CNTN3: variants seen among roughly 807,000 people sequenced by gnomAD.
CNTN3 encodes contactin 3, also known as contactin-3.
A neutral mutation model predicts 119.1 loss-of-function variants in CNTN3; 60 were observed. The ratio of observed to expected loss-of-function variants is 0.50; its 90% confidence interval spans 0.41 to 0.62. The LOEUF is 0.62. CNTN3 is among the 20% of genes least tolerant of loss of function. The pLI, the probability that CNTN3 is intolerant of heterozygous loss-of-function variation, is 0.00. For missense variants in CNTN3, 1,101 were observed against 1,242.4 expected (o/e 0.89, Z 1.71); for synonymous variants, 450 against 438.7 (o/e 1.03, Z -0.32).
At chr3:74,391,308 T>A (rs2106828894) in intron 5 of CNTN3, among the ~76,000 whole-genome samples, 1 of 152,246 alleles carries the variant, frequency 6.6e-6, no homozygotes, top group African/African-American at 2.4e-5. Context: ...TTGTTTACTA[T>A]GCTGGGGGAC....
At chr3:74,353,780 A>T (rs1006140832) in intron 11 of CNTN3, among the ~76,000 whole-genome samples, 1 of 152,076 alleles carries the variant, frequency 6.6e-6, no homozygotes, top group African/African-American at 2.4e-5. Flanking sequence ...TTAATTAATT[A>T]AATAAAATAA....
rs370336057 is a variant in CNTN3 at position 74,586,760 on chromosome 3, TAAC to T, written c.-81+27628_-81+27630del. ...TTAGTTAGTACACGTTATCTACTAA[TAAC>T]ATAATAAATGAATGAATGATTAAAG... On this transcript the variant is annotated intron_variant, in intron 1 of 22. Coordinates refer to ENST00000263665, the MANE Select transcript of CNTN3 (RefSeq NM_020872.3). 4.5e-4 allele frequency among the ~76,000 whole-genome samples: 68 copies of T among 152,146 alleles called. No homozygotes were observed. In the East Asian group the frequency reaches 0.01, roughly 23 times the overall value.
At chr3:74,429,454 G>A (rs1385878156) in intron 4 of CNTN3, among the ~76,000 whole-genome samples, 3 of 151,116 alleles carry the variant, frequency 2.0e-5, no homozygotes, top group South Asian at 2.1e-4. Context: ...AAAAAAAATC[G>A]ACCTAAACTT....
At chr3:74,451,862 C>T (rs1307718040) in intron 4 of CNTN3, among the ~76,000 whole-genome samples, 1 of 145,136 alleles carries the variant, frequency 6.9e-6, no homozygotes, top group Non-Finnish European at 1.5e-5. Flanking sequence ...CTGTTCTGTT[C>T]CATTGATCTA....
At chr3:74,473,637 T>C (rs569970916) in intron 4 of CNTN3, among the ~76,000 whole-genome samples, 4 of 152,296 alleles carry the variant, frequency 2.6e-5, no homozygotes, top group South Asian at 2.1e-4. Context: ...GTGAACAACA[T>C]AGTCTTTTAA....
chr3:74,601,611 T>C (rs1704911776), intron 1 of CNTN3, among the ~76,000 whole-genome samples: 1 of 152,086 alleles, frequency 6.6e-6, no homozygotes, highest in South Asian at 2.1e-4. Flanking sequence ...GGATGTGAGG[T>C]TTGGTGGTAT....
intron 1 of CNTN3, among the ~76,000 whole-genome samples, chr3:74,594,709 G>A: frequency 6.6e-6 from 1 of 152,024 alleles, no homozygotes; most frequent in East Asian, 1.9e-4. Context: ...TTGGACATTT[G>A]GGTTGGTCCC....
Position 74,369,129 on chromosome 3 carries a change from A to G in CNTN3, c.946+60T>C, listed in dbSNP as rs1449363795. On this transcript the variant is annotated intron_variant, in intron 8 of 22. Coordinates refer to ENST00000263665, the MANE Select transcript of CNTN3 (RefSeq NM_020872.3). ...AATCTCTCACCCCTAAATAACAACC[A>G]TATTTTATAGATGAGAAAGTAAAAG... The G allele has an allele frequency of 3.8e-6, 5 of 1,321,742 alleles. No homozygotes were observed. In the African/African-American group the frequency reaches 6.0e-5, roughly 16 times the overall value. 81.9% of individuals were successfully genotyped at this position (1,321,742 alleles called of 1,614,324 possible). A position where few individuals can be genotyped will look rare whatever the true frequency, so the allele number is the denominator to read the frequency against.
intron 4 of CNTN3, among the ~76,000 whole-genome samples, chr3:74,450,761 T>C (rs1474348314): frequency 1.3e-5 from 2 of 148,412 alleles, no homozygotes; most frequent in Admixed American, 6.9e-5. Context: ...GAATATGCAG[T>C]GTTTGGTTTT....
intron 1 of CNTN3, among the ~76,000 whole-genome samples, chr3:74,571,442 C>G (rs1704331308): frequency 6.6e-6 from 1 of 152,100 alleles, no homozygotes; most frequent in African/African-American, 2.4e-5. Flanking sequence ...AGAATTGGAT[C>G]CCATCTCTAC....
chr3:74,571,416 T>C (rs1190152856), intron 1 of CNTN3, among the ~76,000 whole-genome samples: 1 of 152,148 alleles, frequency 6.6e-6, no homozygotes, highest in East Asian at 1.9e-4. Flanking sequence ...GAGATTAGCT[T>C]AGCGGTACAG....
intron 13 of CNTN3, among the ~76,000 whole-genome samples, chr3:74,312,227 G>A (rs1364618505): frequency 6.6e-6 from 1 of 151,944 alleles, no homozygotes; most frequent in African/African-American, 2.4e-5. Context: ...GCCGAGGCGG[G>A]CAGATCACGA....
intron 4 of CNTN3, among the ~76,000 whole-genome samples, chr3:74,479,906 T>G (rs1286264466): frequency 6.6e-6 from 1 of 152,096 alleles, no homozygotes; most frequent in Non-Finnish European, 1.5e-5. Flanking sequence ...AAATTTTGGT[T>G]GACTTAAGTA....
At chr3:74,280,654 T>C (rs534581017) in intron 20 of CNTN3, among the ~76,000 whole-genome samples, 1 of 152,014 alleles carries the variant, frequency 6.6e-6, no homozygotes, top group South Asian at 2.1e-4. Flanking sequence ...ATGGAGAGAG[T>C]CATTGTTCAA....
chr3:74,455,591 T>C (rs1054321134), intron 4 of CNTN3, among the ~76,000 whole-genome samples: 3 of 152,120 alleles, frequency 2.0e-5, no homozygotes, highest in Admixed American at 1.3e-4. Context: ...TTTTAGAGTT[T>C]CCAGTTTTTC....
chr3:74,564,574 T>A (rs1704200018), intron 1 of CNTN3, among the ~76,000 whole-genome samples: 1 of 149,970 alleles, frequency 6.7e-6, no homozygotes, highest in African/African-American at 2.5e-5. Context: ...TTATGAAGGA[T>A]CTAGTAGGCA....
At chr3:74,486,169 A>T (rs1702852686) in intron 4 of CNTN3, among the ~76,000 whole-genome samples, 1 of 151,740 alleles carries the variant, frequency 6.6e-6, no homozygotes, top group Admixed American at 6.6e-5. Context: ...TCTGTTCCCT[A>T]AACAGAATCC....
chr3:74,515,936 G>C (rs1703442786), intron 2 of CNTN3, among the ~76,000 whole-genome samples: 1 of 151,576 alleles, frequency 6.6e-6, no homozygotes, highest in Admixed American at 6.6e-5. Flanking sequence ...TGCACACCCA[G>C]GTCTTTGTGC....
chr3:74,343,295 G>A (rs959369290), intron 11 of CNTN3, among the ~76,000 whole-genome samples: 2 of 152,166 alleles, frequency 1.3e-5, no homozygotes, highest in African/African-American at 2.4e-5. Context: ...AGCAAAATAC[G>A]TCCACTCTCT....
Sources: gnomAD v4.1 joint callset for allele counts (sites outside exome capture counted in the v4.1 genomes callset) on GRCh38, gnomAD v4.1.1 for gene constraint, MANE v1.5 for transcripts, NCBI Gene and HGNC (gene_info 2026-07-23, HGNC 2026-07-21) for gene names.